Variants in PROX1 observed in about 807,000 individuals in gnomAD.
PROX1 encodes prospero homeobox protein 1.
PROX1 carries 7 observed loss-of-function variants against 58.8 expected under a neutral mutation model. The ratio of observed to expected loss-of-function variants is 0.12; its 90% confidence interval spans 0.07 to 0.22. PROX1 has a LOEUF of 0.22. PROX1 is among the 10% of genes least tolerant of loss of function. The pLI is 1.00. For synonymous variants in PROX1, 350 were observed against 358.3 expected (o/e 0.98, Z 0.26); for missense variants, 675 against 927.8 (o/e 0.73, Z 3.54).
rs747198155 is a variant in PROX1 at position 213,997,823 on chromosome 1, G to A, written c.1288G>A (p.Ala430Thr). Residue 430 changes from alanine (A) to threonine (T), a missense_variant, in exon 2 of 5, where the codon GCC becomes ACC. Ala to Thr is a moderately conservative substitution (Grantham distance 58). Coordinates refer to ENST00000366958, the MANE Select transcript of PROX1 (RefSeq NM_001270616.2). The surrounding 1 kb of genome is among the most constrained non-coding windows in gnomAD (Gnocchi z 7.1). Reference sequence around the variant, plus strand: ...GGACACCTTTGGCAATGTGCAGATGGCCAGTTCCACTGACCAGACAGAAGC... The same window carrying A: ...GGACACCTTTGGCAATGTGCAGATGACCAGTTCCACTGACCAGACAGAAGC... ...PLDTFGNVQM[A>T]SSTDQTEALP... is the part of the protein sequence containing the mutation. 5 of 1,614,192 alleles carry A rather than the reference G, an allele frequency of 3.1e-6. No individual in the cohort carries two copies. The highest frequency in any genetic ancestry group is 1.3e-5 in the African/African-American group (1 of 75,054).
chr1:214,002,402 T>TTC, intron 2 of PROX1, among the ~76,000 whole-genome samples: 2 of 137,464 alleles, frequency 1.5e-5, no homozygotes, highest in Admixed American at 1.6e-4. Flanking sequence ...TTCTTTTTTT[T>TTC]TTCTTTTTTC....
chr1:214,017,165 GA>G (rs76571091), intron 4 of PROX1, among the ~76,000 whole-genome samples: 126 of 144,552 alleles, frequency 8.7e-4, no homozygotes, highest in East Asian at 8.4e-3. Context: ...GGAGCCTTTA[GA>G]AAAAAAAAAA....
In PROX1 at chr1:214,036,739, C is replaced by A. The variant is rs1664842528; in HGVS notation, c.*905C>A. ...GCTTAAAAGGATTCTGTTTACTTAA[C>A]AATTTTTTCCCCTAAAATACTATTT... On this transcript the variant is annotated 3_prime_UTR_variant, in exon 5 of 5. Transcript: ENST00000366958. 1 of 152,324 alleles carries A rather than the reference C, an allele frequency of 6.6e-6. No individual in the cohort carries two copies. Among genetic ancestry groups the A allele is most frequent in the South Asian group, 2.1e-4 (1 of 4,824 alleles). The allele number at this position is 152,324 out of a possible 1,614,324, so 9.4% of individuals were successfully genotyped here.
chr1:214,001,109 C>G (rs1663495437), intron 2 of PROX1, among the ~76,000 whole-genome samples: 1 of 152,088 alleles, frequency 6.6e-6, no homozygotes, highest in Admixed American at 6.5e-5. Flanking sequence ...CCAAAAGGTA[C>G]CATCTGTTTT....
chr1:213,995,300 A>C (rs569978062), intron 1 of PROX1, among the ~76,000 whole-genome samples: 5 of 152,360 alleles, frequency 3.3e-5, no homozygotes, highest in African/African-American at 1.2e-4. Flanking sequence ...TAAGTTACAC[A>C]ATGTCAAGTG....
chr1:214,017,659 T>A (rs1040224490), intron 4 of PROX1, among the ~76,000 whole-genome samples: 3 of 151,378 alleles, frequency 2.0e-5, no homozygotes, highest in Non-Finnish European at 4.4e-5. Context: ...CACAAAAAAA[T>A]CTTTGCTTTC....
intron 2 of PROX1, among the ~76,000 whole-genome samples, chr1:214,000,096 C>T (rs565596675): frequency 1.4e-4 from 22 of 152,076 alleles, no homozygotes; most frequent in Non-Finnish European, 2.4e-4. Flanking sequence ...AAGTGACATG[C>T]GTGCCAATTT....
intron 2 of PROX1, among the ~76,000 whole-genome samples, chr1:213,999,951 G>T (rs926525371): frequency 6.6e-6 from 1 of 151,934 alleles, no homozygotes; most frequent in Non-Finnish European, 1.5e-5. Context: ...TAATGTCTAG[G>T]GCTAAGACCC....
rs549239986 is a variant in PROX1, at chr1:214,040,110, T to G, written c.*4276T>G. ...AGCTCCCCTTAAAAAATGTAACTGG[T>G]TTATATGAGTAAGCAGTTACCGTAT... On this transcript the variant is annotated 3_prime_UTR_variant, in exon 5 of 5. Coordinates refer to ENST00000366958, the MANE Select transcript of PROX1 (RefSeq NM_001270616.2). The G allele has an allele frequency of 6.6e-6, 1 of 152,314 alleles. No individual in the cohort carries two copies. Among genetic ancestry groups the G allele is most frequent in the East Asian group, 1.9e-4 (1 of 5,186 alleles). The allele number at this position is 152,314 out of a possible 1,614,324, so 9.4% of individuals were successfully genotyped here.
At chr1:214,029,762 T>C (rs1415094308) in intron 4 of PROX1, 1 of 151,944 alleles carries the variant, frequency 6.6e-6, no homozygotes, top group Non-Finnish European at 1.5e-5. Context: ...TGGAGGCATC[T>C]GGGGCTAGAT....
intron 4 of PROX1, among the ~76,000 whole-genome samples, chr1:214,024,944 A>T (rs1183169026): frequency 6.6e-6 from 1 of 152,194 alleles, no homozygotes; most frequent in Non-Finnish European, 1.5e-5. Context: ...CTCAGACACC[A>T]ATGGCACCAA....
Position 213,997,371 on chromosome 1 carries a change from T to C in PROX1, c.836T>C (p.Met279Thr). ...GATGGTAACCTGTCTGAAGACAGCATGCGCTCGGAGATCCTGGATGCCAGG... is the reference window on the plus strand; with the variant it reads ...GATGGTAACCTGTCTGAAGACAGCACGCGCTCGGAGATCCTGGATGCCAGG... ...DEDGNLSEDS[M>T]RSEILDARAQ... is the part of the protein sequence containing the mutation. The change falls in exon 2 of 5, where the codon ATG becomes ACG. Residue 279 changes from methionine (M) to threonine (T), a missense_variant. By Grantham distance (81) the Met-to-Thr change is moderately conservative. Coordinates refer to ENST00000366958, the MANE Select transcript of PROX1 (RefSeq NM_001270616.2). This position sits in a 1 kb window ranked among gnomAD's most constrained non-coding sequence, Gnocchi z 7.1. 1 of 1,614,082 alleles carries C rather than the reference T, an allele frequency of 6.2e-7. No homozygotes were observed. Among genetic ancestry groups the C allele is most frequent in the Non-Finnish European group, 8.5e-7 (1 of 1,180,010 alleles).
chr1:213,996,183 T>C (rs1280896397), intron 1 of PROX1, among the ~76,000 whole-genome samples: 1 of 152,206 alleles, frequency 6.6e-6, no homozygotes, highest in Non-Finnish European at 1.5e-5. Flanking sequence ...CTGTTTCTTC[T>C]GAAGATAAAC....
intron 4 of PROX1, among the ~76,000 whole-genome samples, chr1:214,032,342 A>G (rs1664684813): frequency 6.6e-6 from 1 of 152,084 alleles, no homozygotes; most frequent in Admixed American, 6.5e-5. Flanking sequence ...ATGATTTCTG[A>G]GATCTATTCG....
chr1:213,989,413 T>C (rs1478439532), intron 1 of PROX1, among the ~76,000 whole-genome samples: 1 of 151,768 alleles, frequency 6.6e-6, no homozygotes, highest in African/African-American at 2.4e-5. Context: ...TAGGGGGTTC[T>C]TGGGCAGCAG....
In PROX1 at chr1:214,016,210, A is replaced by AAC. The variant is rs923808562; in HGVS notation, c.2028+4508_2028+4509dup. Reference sequence around the variant, plus strand: ...AAAAACAACACCCCACCCCACCCCCAACACACACACACACTAATACATACA... The same window carrying AAC: ...AAAAACAACACCCCACCCCACCCCCAACACACACACACACACTAATACATACA... On this transcript the variant is annotated intron_variant, in intron 4 of 4. Transcript: ENST00000366958. Among the ~76,000 whole-genome samples the AAC allele has an allele frequency of 6.8e-4, 103 of 151,744 alleles. 2 individuals are homozygous for AAC. The highest frequency in any genetic ancestry group is 4.1e-3 in the Admixed American group (63 of 15,234).
At position 214,011,669 on chromosome 1, in the gene PROX1, T is replaced by C. The variant is rs765473798; in HGVS notation, c.1982T>C (p.Leu661Pro). 1.9e-6 allele frequency: 3 copies of C among 1,613,474 alleles called. No individual in the cohort carries two copies. The highest frequency in any genetic ancestry group is 1.1e-5 in the South Asian group (1 of 90,864). The change falls in exon 4 of 5, where the codon CTG (leucine) becomes CCG (proline). Residue 661 changes from leucine (L) to proline (P), a missense_variant. Leu to Pro is a moderately conservative substitution (Grantham distance 98). This residue lies in a region of PROX1 where 50 missense variants were observed against 79.3 expected (regional missense o/e 0.63). Transcript: ENST00000366958. Reference protein sequence around the residue: ...EELSITRDCELYRALNMHYNK... With the variant: ...EELSITRDCEPYRALNMHYNK... ...CTGTCTATAACCAGAGACTGTGAGCTGTACAGGGCTCTGAACATGCACTAC... is the reference window on the plus strand; with the variant it reads ...CTGTCTATAACCAGAGACTGTGAGCCGTACAGGGCTCTGAACATGCACTAC...
chr1:214,032,785 C>G (rs895793230), intron 4 of PROX1, among the ~76,000 whole-genome samples: 4 of 152,054 alleles, frequency 2.6e-5, no homozygotes, highest in African/African-American at 9.7e-5. Flanking sequence ...ATTGAAAGTA[C>G]ATAAAAGTAG....
chr1:214,001,439 AT>A (rs557370058), intron 2 of PROX1, among the ~76,000 whole-genome samples: 159 of 152,324 alleles, frequency 1.0e-3, no homozygotes, highest in African/African-American at 3.8e-3. Context: ...GTTCCTTGTC[AT>A]TCATCCTCTT....
Sources: gnomAD v4.1 joint callset for allele counts (sites outside exome capture counted in the v4.1 genomes callset) on GRCh38, gnomAD v4.1.1 for gene constraint, gnomAD v4.1.1 regional missense constraint, Gnocchi (gnomAD v3.1) non-coding constraint, MANE v1.5 for transcripts, NCBI Gene and HGNC (gene_info 2026-07-23, HGNC 2026-07-21) for gene names.